RALGDS: variants seen among roughly 807,000 people sequenced by gnomAD.
The protein encoded by RALGDS is ral guanine nucleotide exchange factor.
A neutral mutation model predicts 99.8 loss-of-function variants in RALGDS; 44 were observed. The ratio of observed to expected loss-of-function variants is 0.44; its 90% CI spans 0.35 to 0.57. The LOEUF is 0.57. Among genes scored for constraint, RALGDS ranks in the 20% least tolerant of loss-of-function variants. RALGDS has a pLI of 0.01. For synonymous variants in RALGDS, 529 were observed against 505.0 expected, an observed-to-expected ratio of 1.05 and a Z score of -0.64; for missense variants, 1,022 against 1,203.1, an observed-to-expected ratio of 0.85 and a Z score of 2.23.
intron 1 of RALGDS, among the ~76,000 whole-genome samples, chr9:133,143,483 A>C (rs1403802043): frequency 1.3e-5 from 2 of 152,120 alleles, no homozygotes; most frequent in Non-Finnish European, 2.9e-5. Context: ...TGCTGGATGC[A>C]GTGTCTCAAG....
At chr9:133,103,973 C>A (rs897544597) in intron 10 of RALGDS, 140 bp from the exon 11 acceptor site, 1 of 880,888 alleles carries the variant, frequency 1.1e-6, no homozygotes, top group Admixed American at 2.0e-5. Flanking sequence ...GGACCCCAGA[C>A]TCCCTCTAGC....
At chr9:133,123,269 ACTTTATCTCCTCTGCTCT>A (rs1468081057), upstream of RALGDS, among the ~76,000 whole-genome samples, 3 of 152,118 alleles carry the variant, frequency 2.0e-5, no homozygotes, top group Non-Finnish European at 2.9e-5. Context: ...CCTGCCACTG[ACTTTATCTCCTCTGCTCT>A]CTTTATCTCC....
chr9:133,131,101 C>T, exon 1 of RALGDS: 1 of 1,459,986 alleles, frequency 6.8e-7, no homozygotes, highest in Middle Eastern at 2.2e-4. Context: ...TGGGGCCCGG[C>T]TTCCCGCCCA....
At chr9:133,117,771 C>G (rs963868570) in intron 1 of RALGDS, among the ~76,000 whole-genome samples, 1 of 152,240 alleles carries the variant, frequency 6.6e-6, no homozygotes, top group Non-Finnish European at 1.5e-5. Context: ...GCCATGGGAG[C>G]CATCTGGGCG....
chr9:133,106,150 A>G, intron 8 of RALGDS, 134 bp from the exon 9 acceptor site: 2 of 708,038 alleles, frequency 2.8e-6, no homozygotes, highest in Non-Finnish European at 5.0e-6. Flanking sequence ...CAGAGCACTA[A>G]CGCTCTGCAG....
In RALGDS at chr9:133,106,649, A is replaced by G; in HGVS notation, c.1513T>C (p.Ser505Pro). 6.2e-7 allele frequency: 1 copy of G among 1,606,908 alleles called. No individual in the cohort carries two copies. The highest frequency in any genetic ancestry group is 8.5e-7 in the Non-Finnish European group (1 of 1,175,776). The change falls in exon 8 of 18, where the codon TCC becomes CCC. Residue 505 changes from serine to proline, a missense_variant. Ser to Pro is a moderately conservative substitution (Grantham distance 74). Transcript: ENST00000372050. ...CTCCTACAGAGGCATGCCCACCTGG[A>G]AACGTCTTCCCACGTCTTCTTCAGA... ...HRLKKTWEDV[S>P]RDSFRIFQKL...
intron 1 of RALGDS, among the ~76,000 whole-genome samples, chr9:133,140,218 TGGTCCCACCCTCCCCAC>T (rs562573685): frequency 8.9e-4 from 134 of 151,070 alleles, no homozygotes; most frequent in Admixed American, 1.3e-3. Context: ...ACCCTCCCCA[TGGTCCCACCCTCCCCAC>T]GGTCCCACCC....
chr9:133,115,802 C>T (rs1198885931), intron 1 of RALGDS, among the ~76,000 whole-genome samples: 1 of 152,262 alleles, frequency 6.6e-6, no homozygotes, highest in Non-Finnish European at 1.5e-5. Flanking sequence ...GCTCAGGGAC[C>T]TAGCCGAGGG....
intron 1 of RALGDS, among the ~76,000 whole-genome samples, chr9:133,128,560 CA>C (rs1409118745): frequency 1.3e-5 from 2 of 152,186 alleles, no homozygotes; most frequent in Non-Finnish European, 2.9e-5. Context: ...AAATGCTCCA[CA>C]AAGTGCCAGC....
intron 1 of RALGDS, among the ~76,000 whole-genome samples, chr9:133,142,861 G>A (rs1490719962): frequency 6.6e-6 from 1 of 152,236 alleles, no homozygotes; most frequent in African/African-American, 2.4e-5. Context: ...CCGTTGGAAG[G>A]CCACTGTAAT....
intron 1 of RALGDS, among the ~76,000 whole-genome samples, chr9:133,138,624 C>A (rs1218739955): frequency 2.6e-5 from 4 of 152,180 alleles, no homozygotes; most frequent in Non-Finnish European, 4.4e-5. Context: ...ATGGTCACGG[C>A]TCCGGCCTGG....
chr9:133,132,253 A>G (rs1328615005), upstream of RALGDS, among the ~76,000 whole-genome samples: 1 of 152,210 alleles, frequency 6.6e-6, no homozygotes, highest in African/African-American at 2.4e-5. Flanking sequence ...GTCTGGGTAC[A>G]CACTATTAAC....
chr9:133,105,706 A>G (rs1200115593), intron 9 of RALGDS, among the ~76,000 whole-genome samples: 1 of 152,106 alleles, frequency 6.6e-6, no homozygotes, highest in Non-Finnish European at 1.5e-5. Context: ...TACTGTGTCC[A>G]ATTAACTGGG....
chr9:133,141,387 G>A (rs537118716), intron 1 of RALGDS, among the ~76,000 whole-genome samples: 52 of 152,288 alleles, frequency 3.4e-4, no homozygotes, highest in African/African-American at 1.2e-3. Flanking sequence ...TTCTCACCTC[G>A]GCTCCCGCAG....
In RALGDS at chr9:133,121,177, G is replaced by T. The variant is rs1831919846; in HGVS notation, c.-23C>A. 1.9e-6 allele frequency: 2 copies of T among 1,068,532 alleles called. No homozygotes were observed. The highest frequency in any genetic ancestry group is 1.7e-5 in the African/African-American group (1 of 58,616). The allele number at this position is 1,068,532 out of a possible 1,614,324, so 66.2% of individuals were successfully genotyped here. A position where few individuals can be genotyped will look rare whatever the true frequency, so the allele number is the denominator to read the frequency against. On this transcript the variant is annotated 5_prime_UTR_variant, in exon 1 of 18. Coordinates refer to ENST00000372050, the MANE Select transcript of RALGDS (RefSeq NM_006266.4). Reference sequence around the variant, plus strand: ...CATGGAAGGCTCGCAGCGCGGGCGCGGGGCCGGCCCGGCGCGCGGCGGGGG... The same window carrying T: ...CATGGAAGGCTCGCAGCGCGGGCGCTGGGCCGGCCCGGCGCGCGGCGGGGG...
At position 133,108,379 on chromosome 9, in the gene RALGDS, G is replaced by A. The variant is rs973144363; in HGVS notation, c.806C>T (p.Pro269Leu). 20 of 1,537,160 alleles carry A rather than the reference G, an allele frequency of 1.3e-5. No individual in the cohort carries two copies. In the Admixed American group the frequency reaches 3.5e-4, roughly 27 times the overall value. Residue 269 changes from proline to leucine, a missense_variant, in exon 6 of 18, where the codon CCA becomes CTA. By Grantham distance (98) the Pro-to-Leu change is moderately conservative. This residue lies in a region of RALGDS where 825 missense variants were observed against 994.5 expected (regional missense o/e 0.83). Coordinates refer to ENST00000372050, the MANE Select transcript of RALGDS (RefSeq NM_006266.4). Reference protein sequence around the residue: ...EALSPVPALKPTPELELALTP... With the variant: ...EALSPVPALKLTPELELALTP... The stretch of plus-strand genomic sequence containing the variant: ...TAGAGCTAGCTCGAGCTCTGGAGTT[G>A]GTTTTAGAGCTGGCACTGGTGACAG...
intron 2 of RALGDS, among the ~76,000 whole-genome samples, chr9:133,111,277 G>C (rs938806632): frequency 1.3e-5 from 2 of 152,230 alleles, no homozygotes; most frequent in East Asian, 3.9e-4. Flanking sequence ...AGGACGCACA[G>C]CATCTTCCCC....
chr9:133,103,478 G>A (rs570119852), intron 11 of RALGDS, among the ~76,000 whole-genome samples: 2 of 152,292 alleles, frequency 1.3e-5, no homozygotes, highest in Admixed American at 1.3e-4. Context: ...CTGAGGCCTT[G>A]GGTGAGAAGG....
intron 1 of RALGDS, among the ~76,000 whole-genome samples, chr9:133,145,548 T>C (rs931328436): frequency 6.6e-6 from 1 of 152,134 alleles, no homozygotes; most frequent in Non-Finnish European, 1.5e-5. Flanking sequence ...GTTAAGGAAA[T>C]GGGGAGAGTG....
Sources: allele counts gnomAD v4.1 joint callset (sites outside exome capture counted in the v4.1 genomes callset), GRCh38; gene constraint gnomAD v4.1.1; regional missense constraint gnomAD v4.1.1; transcripts MANE v1.5; gene names NCBI Gene and HGNC (gene_info 2026-07-23, HGNC 2026-07-21).